The following LVRN variants were observed in gnomAD, a reference collection of about 807,000 sequenced individuals.
LVRN encodes the protein aminopeptidase Q.
A neutral mutation model predicts 111.4 loss-of-function variants in LVRN; 99 were observed. The observed-to-expected ratio is 0.89, with a 90% CI of 0.76 to 1.05. The LOEUF (loss-of-function observed/expected upper bound fraction) is 1.05. Among genes scored for constraint, LVRN ranks in the 50% least tolerant of loss-of-function variants. The pLI is 0.00. For missense variants in LVRN, 1,414 were observed against 1,206.8 expected (o/e 1.17, Z -2.54); for synonymous variants, 488 against 449.5 (o/e 1.09, Z -1.08).
intron 4 of LVRN, 66 bp downstream of exon 4, chr5:115,988,005 A>C: frequency 6.5e-7 from 1 of 1,550,044 alleles, no homozygotes; most frequent in Non-Finnish European, 8.7e-7. Flanking sequence ...TTGAGGCCTC[A>C]AGATACACAG....
At chr5:116,002,127 G>A (rs1055146883) in intron 10 of LVRN, among the ~76,000 whole-genome samples, 1 of 152,158 alleles carries the variant, frequency 6.6e-6, no homozygotes, top group Non-Finnish European at 1.5e-5. Context: ...CCTTCTCCCT[G>A]TACTACTCTG....
At chr5:116,005,544 A>C (rs1748343644) in intron 12 of LVRN, among the ~76,000 whole-genome samples, 1 of 152,260 alleles carries the variant, frequency 6.6e-6, no homozygotes, top group Non-Finnish European at 1.5e-5. Flanking sequence ...TTCTATGCCA[A>C]AAACATCCCT....
Position 115,962,559 on chromosome 5 carries a change from G to A in LVRN, c.-59G>A, listed in dbSNP as rs750309575. The A allele has an allele frequency of 4.0e-6, 6 of 1,509,850 alleles. No homozygotes were observed. The highest frequency in any genetic ancestry group is 2.4e-5 in the South Asian group (2 of 83,766). 93.5% of individuals were successfully genotyped at this position (1,509,850 alleles called of 1,614,324 possible). A position where few individuals can be genotyped will look rare whatever the true frequency, so the allele number is the denominator to read the frequency against. On this transcript the variant is annotated 5_prime_UTR_variant, in exon 1 of 20. Coordinates refer to ENST00000357872, the MANE Select transcript of LVRN (RefSeq NM_173800.5). The stretch of plus-strand genomic sequence containing the variant: ...CGCAGCACTGAACACCCTGGCCGGG[G>A]TTTTGACAGCTGCCACAGTCTCTGA...
At chr5:116,011,438 G>GA (rs908057539) in intron 14 of LVRN, among the ~76,000 whole-genome samples, 52 of 150,912 alleles carry the variant, frequency 3.4e-4, no homozygotes, top group African/African-American at 1.2e-3. Flanking sequence ...CATAATAAAT[G>GA]AAAAAAAAAT....
intron 4 of LVRN, among the ~76,000 whole-genome samples, chr5:115,990,183 C>T (rs1053918026): frequency 2.6e-5 from 4 of 152,248 alleles, no homozygotes; most frequent in Admixed American, 6.5e-5. Flanking sequence ...AAAAGTTGGA[C>T]TGAATGTCAA....
At chr5:115,983,183 C>G in intron 1 of LVRN, 104 bp from the exon 2 acceptor site, 1 of 1,309,702 alleles carries the variant, frequency 7.6e-7, no homozygotes, top group Non-Finnish European at 1.0e-6. Flanking sequence ...AGGAAATTTC[C>G]TCTAACACAC....
At chr5:115,980,395 C>A (rs992881109) in intron 1 of LVRN, among the ~76,000 whole-genome samples, 1 of 151,818 alleles carries the variant, frequency 6.6e-6, no homozygotes. Flanking sequence ...TTTCCCCTAA[C>A]TTTTGGTTTG....
At position 115,993,721 on chromosome 5, in the gene LVRN, T is replaced by A. The variant is rs1463639546; in HGVS notation, c.1261-20T>A. ...AAATTAAATTTAAGAAAGCTCTTTT[T>A]TTCTTCTCATTTCCAAAAGTGGTTT... On this transcript the variant is annotated intron_variant, in intron 5 of 19. Coordinates refer to ENST00000357872, the MANE Select transcript of LVRN (RefSeq NM_173800.5). 6.6e-7 allele frequency: 1 copy of A among 1,505,866 alleles called. No homozygotes were observed. The highest frequency in any genetic ancestry group is 9.1e-7 in the Non-Finnish European group (1 of 1,095,000). The allele number at this position is 1,505,866 out of a possible 1,614,324, so 93.3% of individuals were successfully genotyped here.
intron 6 of LVRN, 124 bp from the exon 7 acceptor site, chr5:115,999,638 C>A: frequency 9.9e-7 from 1 of 1,005,784 alleles, no homozygotes; most frequent in Non-Finnish European, 1.5e-6. Flanking sequence ...AACTCAAAGA[C>A]ACTTCTCAAT....
chr5:116,015,097 T>G (rs1459824279), intron 16 of LVRN, among the ~76,000 whole-genome samples, 155 bp from the exon 17 acceptor site: 1 of 151,500 alleles, frequency 6.6e-6, no homozygotes, highest in Non-Finnish European at 1.5e-5. Context: ...GAACTAATGC[T>G]AATGACAGTT....
chr5:115,988,935 A>G (rs1285961884), intron 4 of LVRN, among the ~76,000 whole-genome samples: 1 of 152,184 alleles, frequency 6.6e-6, no homozygotes, highest in African/African-American at 2.4e-5. Flanking sequence ...TGAGAAGTCC[A>G]GAGTCATCCT....
At chr5:116,018,518 C>T (rs139840435) in intron 18 of LVRN, among the ~76,000 whole-genome samples, 5,215 of 151,862 alleles carry the variant, frequency 0.034, 217 homozygotes, top group African/African-American at 0.1. Flanking sequence ...ACTAAAAATA[C>T]AAAAGTAGCC....
chr5:115,968,475 G>A (rs1186964051), intron 1 of LVRN, among the ~76,000 whole-genome samples: 32 of 132,716 alleles, frequency 2.4e-4, no homozygotes, highest in African/African-American at 9.0e-4. Context: ...ATCTCACTCT[G>A]TCACTGAGGC....
chr5:116,010,830 T>C lies in LVRN; in HGVS notation c.2183T>C (p.Val728Ala). The change falls in exon 14 of 20, where the codon GTA (valine) becomes GCA (alanine). Residue 728 changes from valine to alanine, a missense_variant. By Grantham distance (64) the Val-to-Ala change is moderately conservative. Transcript: ENST00000357872. ...ATTATAGTATGGCATACAGTCTTGG[T>C]AAACTTGGTAACCAGGGATCTTGTT... Reference protein sequence around the residue: ...DEIIVWHTVLVNLVTRDLVSE... With the variant: ...DEIIVWHTVLANLVTRDLVSE... The C allele has an allele frequency of 6.2e-7, 1 of 1,612,208 alleles. No individual in the cohort carries two copies. The highest frequency in any genetic ancestry group is 8.5e-7 in the Non-Finnish European group (1 of 1,179,030).
At chr5:116,025,613 T>A (rs1330473530) in intron 19 of LVRN, among the ~76,000 whole-genome samples, 1 of 152,162 alleles carries the variant, frequency 6.6e-6, no homozygotes, top group East Asian at 1.9e-4. Flanking sequence ...GAAGTTGCAG[T>A]TTCTTTTGAG....
chr5:116,012,302 T>C (rs1215234256), intron 14 of LVRN, 72 bp from the exon 15 acceptor site: 4 of 814,204 alleles, frequency 4.9e-6, no homozygotes, highest in Non-Finnish European at 4.0e-6. Flanking sequence ...TTCAGATAAA[T>C]AAATAGAAAC....
In LVRN at chr5:115,999,869, A is replaced by G. The variant is rs1748200196; in HGVS notation, c.1482A>G (p.Ile494Met). Residue 494 changes from isoleucine (I) to methionine (M), a missense_variant, in exon 7 of 20, where the codon ATA becomes ATG. Physicochemically the swap from Ile to Met is conservative, Grantham distance 10. Coordinates refer to ENST00000357872, the MANE Select transcript of LVRN (RefSeq NM_173800.5). ...MKVENFKTSE[I>M]QELFDIFTYS... ...TGGAAAATTTCAAAACAAGTGAAAT[A>G]CAGGAACTCTTTGACATATTTACTT... 1 of 1,613,232 alleles carries G rather than the reference A, an allele frequency of 6.2e-7. No homozygotes were observed. The highest frequency in any genetic ancestry group is 1.3e-5 in the African/African-American group (1 of 74,844).
At chr5:115,979,590 T>C (rs911403447) in intron 1 of LVRN, among the ~76,000 whole-genome samples, 8 of 152,190 alleles carry the variant, frequency 5.3e-5, no homozygotes, top group Non-Finnish European at 1.2e-4. Flanking sequence ...TAACATGTTT[T>C]GGCACCTTTC....
intron 1 of LVRN, among the ~76,000 whole-genome samples, chr5:115,980,162 G>A (rs1753532841): frequency 6.6e-6 from 1 of 152,046 alleles, no homozygotes; most frequent in Admixed American, 6.6e-5. Flanking sequence ...CACCATAATA[G>A]CATGTTTCAG....
Sources: gnomAD v4.1 joint callset for allele counts (sites outside exome capture counted in the v4.1 genomes callset) on GRCh38, gnomAD v4.1.1 for gene constraint, MANE v1.5 for transcripts, NCBI Gene and HGNC (gene_info 2026-07-23, HGNC 2026-07-21) for gene names.